THADA: variants seen among roughly 807,000 people sequenced by gnomAD.
The protein encoded by THADA is THADA armadillo repeat containing.
Under a neutral mutation model 219.8 loss-of-function variants are expected in THADA, and 213 were observed. The observed-to-expected ratio is 0.97, with a 90% confidence interval of 0.87 to 1.09. THADA has a LOEUF of 1.09. Ranked by LOEUF, THADA falls within the 50% of genes least tolerant of loss-of-function variation. The probability of loss-of-function intolerance (pLI) is 0.00; values close to 1 mark genes in which losing one functional copy is unlikely to be tolerated. For missense variants in THADA, 2,956 were observed against 2,311.3 expected, an observed-to-expected ratio of 1.28 and a Z score of -5.72; for synonymous variants, 1,018 against 828.9, an observed-to-expected ratio of 1.23 and a Z score of -3.92.
At chr2:43,514,677 T>C (rs1221698600) in intron 22 of THADA, among the ~76,000 whole-genome samples, 1 of 85,270 alleles carries the variant, frequency 1.2e-5, no homozygotes, top group Non-Finnish European at 2.0e-5. Context: ...ATATATAATA[T>C]ATTATATTAT....
At chr2:43,354,916 AG>A (rs200732171) in intron 29 of THADA, among the ~76,000 whole-genome samples, 8,033 of 152,170 alleles carry the variant, frequency 0.053, 287 homozygotes, top group South Asian at 0.17. Flanking sequence ...TGGTTTTACA[AG>A]GGGTTTTTCC....
At chr2:43,474,347 G>T (rs1302415918) in intron 26 of THADA, among the ~76,000 whole-genome samples, 1 of 152,166 alleles carries the variant, frequency 6.6e-6, no homozygotes, top group Non-Finnish European at 1.5e-5. Context: ...GAAATGGGAG[G>T]AGTGGAACAT....
intron 29 of THADA, among the ~76,000 whole-genome samples, chr2:43,382,786 C>A (rs1672199345): frequency 6.6e-6 from 1 of 152,098 alleles, no homozygotes; most frequent in African/African-American, 2.4e-5. Context: ...TATAAAGTGA[C>A]AGATTAAGCA....
chr2:43,280,612 C>T (rs891481193), intron 35 of THADA, among the ~76,000 whole-genome samples: 6 of 152,028 alleles, frequency 3.9e-5, no homozygotes. Context: ...AGCCTGGCGA[C>T]AGAGTGAGAC....
intron 30 of THADA, among the ~76,000 whole-genome samples, chr2:43,327,777 A>C (rs1679506508): frequency 6.6e-6 from 1 of 151,814 alleles, no homozygotes; most frequent in Non-Finnish European, 1.5e-5. Flanking sequence ...CTAAAAACCA[A>C]CTCACTTCAA....
At chr2:43,404,075 G>C (rs1300816307) in intron 28 of THADA, among the ~76,000 whole-genome samples, 1 of 152,186 alleles carries the variant, frequency 6.6e-6, no homozygotes, top group Non-Finnish European at 1.5e-5. Flanking sequence ...GCCAACTAGT[G>C]CCTTTGCACA....
chr2:43,425,119 A>G (rs1277560814), intron 28 of THADA, among the ~76,000 whole-genome samples: 1 of 152,186 alleles, frequency 6.6e-6, no homozygotes, highest in Non-Finnish European at 1.5e-5. Context: ...CAGAAAGAGT[A>G]CATCTAACAC....
chr2:43,408,971 C>A (rs1400329035), intron 28 of THADA, among the ~76,000 whole-genome samples: 2 of 152,114 alleles, frequency 1.3e-5, no homozygotes, highest in South Asian at 2.1e-4. Flanking sequence ...CAGAGGAAAA[C>A]CCTTCATTAA....
At chr2:43,419,375 T>A (rs771485770) in intron 28 of THADA, among the ~76,000 whole-genome samples, 5 of 151,958 alleles carry the variant, frequency 3.3e-5, no homozygotes, top group Admixed American at 2.6e-4. Flanking sequence ...GGTGAAGGTA[T>A]CCTGAGCAGC....
chr2:43,348,535 G>A (rs183826418), intron 29 of THADA, among the ~76,000 whole-genome samples: 160 of 152,272 alleles, frequency 1.1e-3, no homozygotes, highest in Non-Finnish European at 1.2e-3. Flanking sequence ...TGCCTGGCAC[G>A]GGTAGGATTC....
At chr2:43,437,443 T>C (rs919415729) in intron 26 of THADA, among the ~76,000 whole-genome samples, 7 of 152,174 alleles carry the variant, frequency 4.6e-5, no homozygotes, top group South Asian at 2.1e-4. Context: ...CTGGGTGGCA[T>C]AGTTGATGTC....
At chr2:43,422,775 G>A (rs1457046395) in intron 28 of THADA, among the ~76,000 whole-genome samples, 1 of 152,104 alleles carries the variant, frequency 6.6e-6, no homozygotes, top group Non-Finnish European at 1.5e-5. Flanking sequence ...GCAGTGCAGT[G>A]GCCCAATCAC....
At chr2:43,276,067 A>G (rs1672692542) in intron 36 of THADA, among the ~76,000 whole-genome samples, 2 of 152,216 alleles carry the variant, frequency 1.3e-5, no homozygotes, top group Admixed American at 1.3e-4. Flanking sequence ...CAAGGCCTGA[A>G]GTCAGAGCAG....
chr2:43,490,080 T>C (rs1687444123), intron 25 of THADA, among the ~76,000 whole-genome samples: 1 of 152,176 alleles, frequency 6.6e-6, no homozygotes, highest in Non-Finnish European at 1.5e-5. Context: ...GTTCCTTTGC[T>C]AAATTTATTC....
At chr2:43,350,142 T>C (rs1467436180) in intron 29 of THADA, among the ~76,000 whole-genome samples, 1 of 152,158 alleles carries the variant, frequency 6.6e-6, no homozygotes, top group Non-Finnish European at 1.5e-5. Flanking sequence ...TTTCAGCCTG[T>C]AGTTGGGAAT....
At position 43,243,352 on chromosome 2, in the gene THADA, G is replaced by A. The variant is rs567324490; in HGVS notation, c.5297-10470C>T. ...TTGGTGGTGCTACTGGCATTTAGTA[G>A]GTAGGGGCTAGAGATGCTACTCAAC... On this transcript the variant is annotated intron_variant, in intron 36 of 37. Coordinates refer to ENST00000405975, the MANE Select transcript of THADA (RefSeq NM_022065.5). 4.6e-5 allele frequency among the ~76,000 whole-genome samples: 7 copies of A among 152,308 alleles called. No individual in the cohort carries two copies. The East Asian group carries it at 1.2e-3, about 25-fold the overall frequency.
At chr2:43,390,199 T>C (rs1046942960) in intron 29 of THADA, among the ~76,000 whole-genome samples, 7 of 152,194 alleles carry the variant, frequency 4.6e-5, no homozygotes. Context: ...GTATTCACGG[T>C]GATTCCAGAA....
chr2:43,464,703 G>A (rs763053094), intron 26 of THADA, among the ~76,000 whole-genome samples: 6 of 152,014 alleles, frequency 3.9e-5, no homozygotes, highest in East Asian at 3.8e-4. Flanking sequence ...CGCTTCCTCC[G>A]GCATTCCTAC....
intron 31 of THADA, among the ~76,000 whole-genome samples, chr2:43,310,226 G>GTT (rs1558560144): frequency 0.028 from 1,531 of 54,076 alleles, 58 homozygotes; most frequent in Middle Eastern, 0.06. Context: ...TCCCTTTCCC[G>GTT]CCCCCCCCCC....
Sources: allele counts gnomAD v4.1 joint callset (sites outside exome capture counted in the v4.1 genomes callset), GRCh38; gene constraint gnomAD v4.1.1; transcripts MANE v1.5; gene names NCBI Gene and HGNC (gene_info 2026-07-23, HGNC 2026-07-21).